Variants in ARGLU1 observed in about 807,000 individuals in gnomAD.
The protein encoded by ARGLU1 is arginine and glutamate-rich protein 1.
Under a neutral mutation model 37.6 loss-of-function variants are expected in ARGLU1, and 9 were observed. That is an observed-to-expected ratio of 0.24 (90% confidence interval 0.14 to 0.42). The LOEUF is 0.42. Ranked by LOEUF, ARGLU1 falls within the 10% of genes least tolerant of loss-of-function variation. ARGLU1 has a pLI of 1.00. For missense variants in ARGLU1, 211 were observed against 359.2 expected, an observed-to-expected ratio of 0.59 and a Z score of 3.34; for synonymous variants, 166 against 138.5, an observed-to-expected ratio of 1.20 and a Z score of -1.39.
intron 1 of ARGLU1, 114 bp from the exon 2 acceptor site, chr13:106,559,771 T>C (rs1187010169): frequency 1.7e-6 from 2 of 1,164,298 alleles, no homozygotes; most frequent in Non-Finnish European, 2.4e-6. Context: ...TCAGTGATTT[T>C]TTCAGAATTC....
At position 106,544,055 on chromosome 13, in the gene ARGLU1, T is replaced by C. The variant is rs900903435; in HGVS notation, c.763A>G (p.Ile255Val). The C allele has an allele frequency of 3.1e-6, 5 of 1,606,500 alleles. No homozygotes were observed. The highest frequency in any genetic ancestry group is 4.2e-6 in the Non-Finnish European group (5 of 1,177,368). ...QRQQKEEQKIILGKGKSRPKL... is the reference protein window; with the variant it reads ...QRQQKEEQKIVLGKGKSRPKL... ...GGCCTGGACTTCCCCTTGCCCAGGA[T>C]AATTTTTTGTTCTTCTTTTTGTTGA... The change falls in exon 4 of 4, where the codon ATC (isoleucine) becomes GTC (valine). Residue 255 changes from isoleucine to valine, a missense_variant. Transcript: ENST00000400198.
chr13:106,557,280 G>A lies in ARGLU1; in HGVS notation c.574-149C>T. 1.3e-6 allele frequency: 1 copy of A among 752,102 alleles called. No individual in the cohort carries two copies. Among genetic ancestry groups the A allele is most frequent in the Non-Finnish European group, 2.1e-6 (1 of 479,328 alleles). 46.6% of individuals were successfully genotyped at this position (752,102 alleles called of 1,614,324 possible). A position where few individuals can be genotyped will look rare whatever the true frequency, so the allele number is the denominator to read the frequency against. On this transcript the variant is annotated intron_variant, in intron 2 of 3. Coordinates refer to ENST00000400198, the MANE Select transcript of ARGLU1 (RefSeq NM_018011.4). The surrounding 1 kb of genome is among the most constrained non-coding windows in gnomAD (Gnocchi z 5.0). ...TGTCTGACAAATGATAAACTGTGCA[G>A]TCACTAAAATTGGTTTCTAGCACTA...
chr13:106,560,121 A>T (rs1278948637), intron 1 of ARGLU1, among the ~76,000 whole-genome samples: 1 of 152,224 alleles, frequency 6.6e-6, no homozygotes, highest in Non-Finnish European at 1.5e-5. Flanking sequence ...AAGAGAGAAT[A>T]AATACAGATT....
At chr13:106,551,118 C>A (rs948156236) in intron 3 of ARGLU1, among the ~76,000 whole-genome samples, 1 of 152,144 alleles carries the variant, frequency 6.6e-6, no homozygotes, top group Non-Finnish European at 1.5e-5. Flanking sequence ...CTAGCAATAC[C>A]CCTGGCCTTC....
intron 3 of ARGLU1, among the ~76,000 whole-genome samples, chr13:106,551,358 T>C (rs1186396885): frequency 6.6e-6 from 1 of 152,202 alleles, no homozygotes; most frequent in Non-Finnish European, 1.5e-5. Context: ...TATATACAAC[T>C]GTAGGACACA....
intron 3 of ARGLU1, among the ~76,000 whole-genome samples, chr13:106,550,523 T>C (rs61965343): frequency 0.027 from 4,175 of 152,318 alleles, 93 homozygotes; most frequent in Admixed American, 0.064. Context: ...GTGCCTTATT[T>C]TTCCTAAGTA....
At position 106,543,413 on chromosome 13, in the gene ARGLU1, A is replaced by G. The variant is rs182053812; in HGVS notation, c.*583T>C. 1 of 152,680 alleles carries G rather than the reference A, an allele frequency of 6.5e-6. No homozygotes were observed. 9.5% of individuals were successfully genotyped at this position (152,680 alleles called of 1,614,324 possible). ...TTGATTTTGTCAATGAAATAAAAAC[A>G]AAATGAACAGAGACAATACTGAACT... On this transcript the variant is annotated 3_prime_UTR_variant, in exon 4 of 4. Transcript: ENST00000400198.
rs146625729 is a variant in ARGLU1, at chr13:106,561,178, A to G, written c.348-1521T>C. 4.3e-3 allele frequency among the ~76,000 whole-genome samples: 658 copies of G among 152,270 alleles called. 5 individuals carry two copies. The highest frequency in any genetic ancestry group is 0.026 in the South Asian group (124 of 4,824). ...TTTATCTACAGCAGCTCAGTGAGAG[A>G]GCAGGTATCTTCCCCAATACTAAAA... On this transcript the variant is annotated intron_variant, in intron 1 of 3. Transcript: ENST00000400198.
rs928462627 is a variant in ARGLU1 at position 106,558,057 on chromosome 13, A to C, written c.574-926T>G. ...GCTTGATGGCTTGAGCAGTGTTCAG[A>C]TCACAGCATACATATTCAAATGATT... is the stretch of plus-strand genomic sequence containing the variant. On this transcript the variant is annotated intron_variant, in intron 2 of 3. Coordinates refer to ENST00000400198, the MANE Select transcript of ARGLU1 (RefSeq NM_018011.4). 3 of 985,320 alleles carry C rather than the reference A, an allele frequency of 3.0e-6. No homozygotes were observed. The African/African-American group carries it at 5.2e-5, about 17-fold the overall frequency. 61.0% of individuals were successfully genotyped at this position (985,320 alleles called of 1,614,324 possible).
chr13:106,546,090 C>G (rs538728611), intron 3 of ARGLU1, among the ~76,000 whole-genome samples: 1 of 152,232 alleles, frequency 6.6e-6, no homozygotes, highest in South Asian at 2.1e-4. Context: ...AAGTTTGTTA[C>G]TTCTTGTTTT....
intron 3 of ARGLU1, among the ~76,000 whole-genome samples, chr13:106,551,859 T>C (rs1880538847): frequency 1.3e-5 from 2 of 152,200 alleles, no homozygotes; most frequent in Non-Finnish European, 1.5e-5. Context: ...TGCTATATGC[T>C]AAAATTTCCC....
intron 3 of ARGLU1, 83 bp from the exon 4 acceptor site, chr13:106,544,243 G>C (rs752048143): frequency 8.0e-7 from 1 of 1,246,400 alleles, no homozygotes; most frequent in Non-Finnish European, 1.1e-6. Flanking sequence ...TATCTATTAT[G>C]TATCTACAAA....
At chr13:106,558,372 CA>C (rs1448394626) in intron 2 of ARGLU1, 2 of 984,964 alleles carry the variant, frequency 2.0e-6, no homozygotes, top group African/African-American at 3.5e-5. Context: ...TACCAGAAAG[CA>C]AAGAGATTTA....
At chr13:106,563,814 T>A (rs2138976735) in intron 1 of ARGLU1, among the ~76,000 whole-genome samples, 1 of 152,320 alleles carries the variant, frequency 6.6e-6, no homozygotes, top group Admixed American at 6.5e-5. Context: ...GAATCACTTA[T>A]ATAGATCCCA....
At chr13:106,548,501 A>T (rs942769228) in intron 3 of ARGLU1, among the ~76,000 whole-genome samples, 6 of 152,132 alleles carry the variant, frequency 3.9e-5, no homozygotes, top group African/African-American at 1.4e-4. Flanking sequence ...CAACTCACTC[A>T]CAAGGATTAC....
chr13:106,563,677 A>T (rs1427414605), intron 1 of ARGLU1, among the ~76,000 whole-genome samples: 1 of 152,168 alleles, frequency 6.6e-6, no homozygotes, highest in Admixed American at 6.5e-5. Context: ...TATTCTTAAC[A>T]TCAGCTAGGT....
intron 3 of ARGLU1, among the ~76,000 whole-genome samples, chr13:106,556,762 T>C (rs1880670855): frequency 6.6e-6 from 1 of 152,148 alleles, no homozygotes. Context: ...TTTTTAGGCA[T>C]AGGAGAATGT....
At chr13:106,546,514 T>C (rs903129836) in intron 3 of ARGLU1, among the ~76,000 whole-genome samples, 3 of 152,204 alleles carry the variant, frequency 2.0e-5, no homozygotes, top group Non-Finnish European at 4.4e-5. Flanking sequence ...TTCACTGATA[T>C]TACAACAAAA....
rs140916247 is a variant in ARGLU1, at chr13:106,562,371, T to C, written c.348-2714A>G. Among the ~76,000 whole-genome samples, 515 of 152,296 alleles carry C rather than the reference T, an allele frequency of 3.4e-3. 7 individuals are homozygous for C. Among genetic ancestry groups the C allele is most frequent in the African/African-American group, 0.012 (488 of 41,548 alleles). On this transcript the variant is annotated intron_variant, in intron 1 of 3. Transcript: ENST00000400198. The stretch of plus-strand genomic sequence containing the variant: ...GAATTAAGCATGAGTTCATCTTTAC[T>C]GATGGCAAATTTATCATCATAATCA...
Sources: allele counts gnomAD v4.1 joint callset (sites outside exome capture counted in the v4.1 genomes callset), GRCh38; gene constraint gnomAD v4.1.1; non-coding constraint Gnocchi (gnomAD v3.1); transcripts MANE v1.5; gene names NCBI Gene and HGNC (gene_info 2026-07-23, HGNC 2026-07-21).